Variants in IGSF11 observed in about 807,000 individuals in gnomAD.
The protein encoded by IGSF11 is immunoglobulin superfamily member 11.
A neutral mutation model predicts 41.0 loss-of-function variants in IGSF11; 22 were observed. That is an observed-to-expected ratio of 0.54 (90% confidence interval 0.38 to 0.77). The LOEUF is 0.77. Among genes scored for constraint, IGSF11 ranks in the 30% least tolerant of loss-of-function variants. The pLI is 0.00. For missense variants in IGSF11, 444 were observed against 530.8 expected, an observed-to-expected ratio of 0.84 and a Z score of 1.61; for synonymous variants, 219 against 201.3, an observed-to-expected ratio of 1.09 and a Z score of -0.74.
At chr3:119,073,835 G>A (rs1430689326) in intron 1 of IGSF11, among the ~76,000 whole-genome samples, 4 of 152,206 alleles carry the variant, frequency 2.6e-5, no homozygotes, top group Non-Finnish European at 5.9e-5. Flanking sequence ...AGCCAGTCCG[G>A]AGAGGGGCTC....
intron 1 of IGSF11, among the ~76,000 whole-genome samples, chr3:119,045,669 G>A (rs1331207061): frequency 2.6e-5 from 4 of 152,038 alleles, no homozygotes; most frequent in African/African-American, 7.2e-5. Flanking sequence ...GCCTGCCTCT[G>A]TAGGCTCCAC....
At chr3:119,011,914 A>C (rs545145199) in intron 1 of IGSF11, among the ~76,000 whole-genome samples, 3 of 152,290 alleles carry the variant, frequency 2.0e-5, no homozygotes, top group South Asian at 4.1e-4. Context: ...TTCTCAAAGA[A>C]AAAGACAATC....
chr3:118,910,667 C>G (rs957537601), intron 4 of IGSF11, among the ~76,000 whole-genome samples: 2 of 152,150 alleles, frequency 1.3e-5, no homozygotes, highest in African/African-American at 4.8e-5. Flanking sequence ...TTATATAAAG[C>G]CTTTCACAAT....
In IGSF11 at chr3:118,903,010, C is replaced by A. The variant is rs771939038; in HGVS notation, c.855-49G>T. ...TTGTTAGGATTTACTTCAAGTTAAT[C>A]CTATCCTCCTACCCTGGAATCTTTC... On this transcript the variant is annotated intron_variant, in intron 6 of 6. Coordinates refer to ENST00000393775, the MANE Select transcript of IGSF11 (RefSeq NM_001015887.3). 5.3e-6 allele frequency: 8 copies of A among 1,515,444 alleles called. No individual in the cohort carries two copies. The East Asian group carries it at 1.8e-4, about 34-fold the overall frequency. The allele number at this position is 1,515,444 out of a possible 1,614,324, so 93.9% of individuals were successfully genotyped here.
At chr3:119,060,995 A>G (rs921428918) in intron 1 of IGSF11, among the ~76,000 whole-genome samples, 2 of 152,238 alleles carry the variant, frequency 1.3e-5, no homozygotes, top group Non-Finnish European at 1.5e-5. Flanking sequence ...TGTTTTTAAT[A>G]ATAAAATCAG....
At chr3:118,988,599 T>C (rs1935481095) in intron 1 of IGSF11, among the ~76,000 whole-genome samples, 1 of 152,098 alleles carries the variant, frequency 6.6e-6, no homozygotes, top group African/African-American at 2.4e-5. Context: ...TGAATGAGGA[T>C]GGGGGAAGTG....
chr3:119,012,394 T>C (rs1230094492), intron 1 of IGSF11, among the ~76,000 whole-genome samples: 3 of 152,194 alleles, frequency 2.0e-5, no homozygotes, highest in African/African-American at 4.8e-5. Context: ...GTCAACATAT[T>C]TGTAATTTAT....
intron 6 of IGSF11, 128 bp downstream of exon 6, chr3:118,904,520 C>A (rs1441529838): frequency 7.1e-6 from 5 of 699,826 alleles, no homozygotes; most frequent in Middle Eastern, 4.2e-4. Context: ...CAAGAAAATA[C>A]CATTTAGCCA....
At chr3:119,047,865 A>G (rs1052851760) in intron 1 of IGSF11, among the ~76,000 whole-genome samples, 1 of 152,174 alleles carries the variant, frequency 6.6e-6, no homozygotes, top group Non-Finnish European at 1.5e-5. Flanking sequence ...GCTCAACTAC[A>G]TGGAAACTGA....
chr3:118,943,391 T>TA (rs1277762484), intron 1 of IGSF11, among the ~76,000 whole-genome samples: 1 of 152,200 alleles, frequency 6.6e-6, no homozygotes, highest in African/African-American at 2.4e-5. Context: ...ATAAGGACTT[T>TA]AAAAAAGATC....
At position 119,024,629 on chromosome 3, in the gene IGSF11, T is replaced by G. The variant is rs113064191; in HGVS notation, c.52+9902A>C. On this transcript the variant is annotated intron_variant, in intron 1 of 6. Coordinates refer to ENST00000393775, the MANE Select transcript of IGSF11 (RefSeq NM_001015887.3). Reference sequence around the variant, plus strand: ...GATGTGCCCTAACCATACTCCTCCATAGCTTTCAGTTTAAGTATCACTATA... The same window carrying G: ...GATGTGCCCTAACCATACTCCTCCAGAGCTTTCAGTTTAAGTATCACTATA... Among the ~76,000 whole-genome samples the G allele has an allele frequency of 8.6e-3, 1,309 of 152,274 alleles. 27 individuals are homozygous for G. Among genetic ancestry groups the G allele is most frequent in the African/African-American group, 0.03 (1,253 of 41,568 alleles).
intron 4 of IGSF11, among the ~76,000 whole-genome samples, chr3:118,910,827 C>T (rs1050755553): frequency 6.6e-6 from 1 of 152,114 alleles, no homozygotes; most frequent in Non-Finnish European, 1.5e-5. Flanking sequence ...CCACTTTTAA[C>T]CAGTAAAACT....
At position 119,062,595 on chromosome 3, in the gene IGSF11, T is replaced by C. The variant is rs185464709; in HGVS notation, c.49+42549A>G. ...TGGGGTAATAAATTGCCTAGCAAGATTGCCAAGAATTCCAGAAGTCCTGTT... is the reference window on the plus strand; with the variant it reads ...TGGGGTAATAAATTGCCTAGCAAGACTGCCAAGAATTCCAGAAGTCCTGTT... On this transcript the variant is annotated intron_variant, in intron 1 of 6. Transcript: ENST00000354673. Among the ~76,000 whole-genome samples, 533 of 152,338 alleles carry C rather than the reference T, an allele frequency of 3.5e-3. 15 individuals are homozygous for C. The highest frequency in any genetic ancestry group is 0.031 in the Admixed American group (473 of 15,290).
intron 4 of IGSF11, among the ~76,000 whole-genome samples, chr3:118,916,748 C>G (rs1361542869): frequency 6.6e-6 from 1 of 151,980 alleles, no homozygotes. Flanking sequence ...AGCTCTGCAC[C>G]AAGTGGACCG....
intron 1 of IGSF11, among the ~76,000 whole-genome samples, chr3:119,134,948 A>C (rs1576838752): frequency 6.6e-6 from 1 of 152,324 alleles, no homozygotes; most frequent in Middle Eastern, 3.4e-3. Context: ...ACCTAACAAA[A>C]ACAAGAAATG....
chr3:119,023,953 A>C (rs1939570871), intron 1 of IGSF11, among the ~76,000 whole-genome samples: 2 of 152,188 alleles, frequency 1.3e-5, no homozygotes, highest in African/African-American at 4.8e-5. Flanking sequence ...TTGGTCATGG[A>C]AATTGTGAAG....
intron 1 of IGSF11, among the ~76,000 whole-genome samples, chr3:119,023,660 A>G (rs931759555): frequency 6.6e-6 from 1 of 152,216 alleles, no homozygotes; most frequent in Non-Finnish European, 1.5e-5. Context: ...TGTGAAGTTT[A>G]ACCTAAACAT....
intron 2 of IGSF11, 95 bp from the exon 3 acceptor site, chr3:118,928,811 A>C: frequency 1.2e-6 from 1 of 837,232 alleles, no homozygotes; most frequent in Non-Finnish European, 1.8e-6. Context: ...ATGCTGCACC[A>C]AACATTGGAA....
chr3:119,050,897 CA>C (rs1445781755), intron 1 of IGSF11, among the ~76,000 whole-genome samples: 1 of 146,490 alleles, frequency 6.8e-6, no homozygotes, highest in Non-Finnish European at 1.5e-5. Context: ...ATCGCAAGGA[CA>C]AAAAACCAAA....
Sources: gnomAD v4.1 joint callset for allele counts (sites outside exome capture counted in the v4.1 genomes callset) on GRCh38, gnomAD v4.1.1 for gene constraint, MANE v1.5 for transcripts, NCBI Gene and HGNC (gene_info 2026-07-23, HGNC 2026-07-21) for gene names.